The following FOCAD variants were observed in gnomAD, a reference collection of about 807,000 sequenced individuals.
The protein encoded by FOCAD is KIAA1797.
In FOCAD, 198 loss-of-function variants were observed where a neutral mutation model predicts 225.6. The observed-to-expected ratio is 0.88, with a 90% CI of 0.78 to 0.99. The LOEUF is 0.99. Ranked by LOEUF, FOCAD falls within the 50% of genes least tolerant of loss-of-function variation. The pLI, the probability that FOCAD is intolerant of heterozygous loss-of-function variation, is 0.00. For synonymous variants in FOCAD, 897 were observed against 755.0 expected, an observed-to-expected ratio of 1.19 and a Z score of -3.08; for missense variants, 2,713 against 2,123.6, an observed-to-expected ratio of 1.28 and a Z score of -5.46.
chr9:20,718,732 G>A lies in FOCAD; in HGVS notation c.132+864G>A, dbSNP rs549253857. On this transcript the variant is annotated intron_variant, in intron 3 of 43. Coordinates refer to ENST00000338382, the MANE Select transcript of FOCAD (RefSeq NM_001375567.1). ...ATAATCACATTGTGTACTTTGAGAA[G>A]ATCTAGTGATTTTACTTAAACTGCC... Among the ~76,000 whole-genome samples, 8 of 152,262 alleles carry A rather than the reference G, an allele frequency of 5.3e-5. No homozygotes were observed. In the East Asian group the frequency reaches 1.5e-3, roughly 29 times the overall value.
rs1835366177 is a variant in FOCAD, at chr9:20,930,500, CA to C, written c.3317+905del. Among the ~76,000 whole-genome samples, 3 of 152,248 alleles carry C rather than the reference CA, an allele frequency of 2.0e-5. No individual in the cohort carries two copies. In the South Asian group the frequency reaches 6.2e-4, roughly 32 times the overall value. On this transcript the variant is annotated intron_variant, in intron 27 of 43. Transcript: ENST00000338382. ...TAGATTCTTTTAAATTCCTGGTTGG[CA>C]GAAATTAGTTGTCCAAAGGCAAGAA...
At chr9:20,932,588 A>G (rs1835586548) in intron 27 of FOCAD, among the ~76,000 whole-genome samples, 2 of 152,246 alleles carry the variant, frequency 1.3e-5, no homozygotes, top group African/African-American at 4.8e-5. Context: ...ACATGAAATC[A>G]GAAGTGACAG....
intron 10 of FOCAD, among the ~76,000 whole-genome samples, chr9:20,784,460 G>T: frequency 6.6e-6 from 1 of 152,200 alleles, no homozygotes; most frequent in Non-Finnish European, 1.5e-5. Flanking sequence ...AACTGGCTCA[G>T]GAAGTAAGAA....
At chr9:20,713,560 T>C (rs1305623707) in intron 1 of FOCAD, among the ~76,000 whole-genome samples, 2 of 152,208 alleles carry the variant, frequency 1.3e-5, no homozygotes, top group African/African-American at 4.8e-5. Context: ...ATATTTTATG[T>C]ATTATTTGTT....
At chr9:20,734,461 T>G (rs1453812339) in intron 4 of FOCAD, among the ~76,000 whole-genome samples, 1 of 152,230 alleles carries the variant, frequency 6.6e-6, no homozygotes, top group Non-Finnish European at 1.5e-5. Flanking sequence ...TTTTTAAACT[T>G]GCATTTTTCC....
chr9:20,899,341 G>GC (rs2131967126), intron 21 of FOCAD, among the ~76,000 whole-genome samples: 1 of 151,924 alleles, frequency 6.6e-6, no homozygotes, highest in Admixed American at 6.6e-5. Flanking sequence ...TCCATTCTTA[G>GC]CCTCCAGCCA....
At position 20,993,362 on chromosome 9, in the gene FOCAD, G is replaced by GA. The variant is rs746784653; in HGVS notation, c.5332+39dup. 63 of 1,539,978 alleles carry GA rather than the reference G, an allele frequency of 4.1e-5. No individual in the cohort carries two copies. In the East Asian group the frequency reaches 1.4e-3, roughly 34 times the overall value. On this transcript the variant is annotated intron_variant, in intron 43 of 43. Transcript: ENST00000338382. ...TCCATGTTTTATGCTCAACATAGGG[G>GA]AAAAACCATTATTGTTGTCTGTGGA...
chr9:20,800,581 G>C (rs550605037), intron 11 of FOCAD, among the ~76,000 whole-genome samples: 1 of 151,728 alleles, frequency 6.6e-6, no homozygotes, highest in Non-Finnish European at 1.5e-5. Context: ...TTCTCTTCTC[G>C]CTTCATTTCA....
intron 1 of FOCAD, among the ~76,000 whole-genome samples, chr9:20,699,571 C>A (rs1248039697): frequency 6.7e-6 from 1 of 150,352 alleles, no homozygotes; most frequent in Non-Finnish European, 1.5e-5. Flanking sequence ...GAAACCCTGT[C>A]TCTACTAAAA....
chr9:20,717,075 G>C (rs1825400332), intron 2 of FOCAD, among the ~76,000 whole-genome samples: 1 of 152,176 alleles, frequency 6.6e-6, no homozygotes, highest in South Asian at 2.1e-4. Flanking sequence ...GGAGATAAGA[G>C]ACAGTAAGTT....
rs1036080450 is a variant in FOCAD at position 20,701,326 on chromosome 9, G to A, written c.-32-13996G>A. Among the ~76,000 whole-genome samples, 8 of 152,288 alleles carry A rather than the reference G, an allele frequency of 5.3e-5. No homozygotes were observed. The South Asian group carries it at 1.7e-3, about 32-fold the overall frequency. On this transcript the variant is annotated intron_variant, in intron 1 of 43. Coordinates refer to ENST00000338382, the MANE Select transcript of FOCAD (RefSeq NM_001375567.1). ...GCCCTGTTTTTACAAGTGAACTCAT[G>A]CACACACAAATTTCCCTGTCTCATT...
At chr9:20,866,066 C>A in intron 17 of FOCAD, 90 bp downstream of exon 17, 2 of 1,098,424 alleles carry the variant, frequency 1.8e-6, no homozygotes, top group Non-Finnish European at 1.3e-6. Context: ...ATAAAAAGTA[C>A]AACTGCCTTG....
At chr9:20,980,912 T>C (rs1840637348) in intron 37 of FOCAD, among the ~76,000 whole-genome samples, 1 of 152,198 alleles carries the variant, frequency 6.6e-6, no homozygotes. Context: ...CGTGCTCAGC[T>C]GGTGGTTTTA....
intron 21 of FOCAD, among the ~76,000 whole-genome samples, chr9:20,895,067 A>G (rs944712076): frequency 5.9e-5 from 9 of 151,994 alleles, no homozygotes; most frequent in African/African-American, 2.2e-4. Flanking sequence ...TTTCTGTATC[A>G]TTTGTTGAGA....
At chr9:20,909,123 A>G (rs1445941133) in intron 22 of FOCAD, among the ~76,000 whole-genome samples, 1 of 152,120 alleles carries the variant, frequency 6.6e-6, no homozygotes, top group Non-Finnish European at 1.5e-5. Context: ...AATTCTGCAG[A>G]TGACTTGCAA....
chr9:20,832,223 A>G (rs973867788), intron 15 of FOCAD, among the ~76,000 whole-genome samples: 1 of 151,970 alleles, frequency 6.6e-6, no homozygotes, highest in African/African-American at 2.4e-5. Flanking sequence ...GCTGGATCAT[A>G]TGATAATTCT....
rs71496859 is a variant in FOCAD at position 20,839,259 on chromosome 9, CT to C, written c.1920+16161del. Among the ~76,000 whole-genome samples the C allele has an allele frequency of 7.0e-3, 932 of 132,726 alleles. 12 individuals are homozygous for C. Among genetic ancestry groups the C allele is most frequent in the East Asian group, 0.047 (217 of 4,590 alleles). 87.1% of individuals were successfully genotyped at this position (132,726 alleles called of 152,430 possible). Reference sequence around the variant, plus strand: ...TTGGCTTTATGGAATTTCTTTCTTTCTTTTTTTTTTTTTTTTTGAGACTAGG... The same window carrying C: ...TTGGCTTTATGGAATTTCTTTCTTTCTTTTTTTTTTTTTTTTGAGACTAGG... On this transcript the variant is annotated intron_variant, in intron 15 of 43. Transcript: ENST00000338382.
intron 5 of FOCAD, among the ~76,000 whole-genome samples, chr9:20,754,316 T>G (rs780377051): frequency 3.9e-5 from 6 of 152,210 alleles, no homozygotes; most frequent in Non-Finnish European, 7.3e-5. Flanking sequence ...TAACTTCATT[T>G]TCTATCATAC....
chr9:20,881,156 T>C lies in FOCAD; in HGVS notation c.2318-715T>C, dbSNP rs138466981. Among the ~76,000 whole-genome samples the C allele has an allele frequency of 4.7e-4, 71 of 152,332 alleles. No homozygotes were observed. In the East Asian group the frequency reaches 0.011, roughly 23 times the overall value. ...TGAAAGAGGTTTTTCTGAAAACACT[T>C]AAATGATAAGAAGGAGCCATTCTCA... On this transcript the variant is annotated intron_variant, in intron 19 of 43. Coordinates refer to ENST00000338382, the MANE Select transcript of FOCAD (RefSeq NM_001375567.1).
Sources: gnomAD v4.1 joint callset for allele counts (sites outside exome capture counted in the v4.1 genomes callset) on GRCh38, gnomAD v4.1.1 for gene constraint, MANE v1.5 for transcripts, NCBI Gene and HGNC (gene_info 2026-07-23, HGNC 2026-07-21) for gene names.